Variants in CELF2 observed in about 807,000 individuals in gnomAD.
CELF2 encodes the protein CUG triplet repeat RNA-binding protein 2.
A neutral mutation model predicts 62.6 loss-of-function variants in CELF2; 8 were observed. The ratio of observed to expected loss-of-function variants is 0.13; its 90% CI spans 0.07 to 0.23. CELF2 has a LOEUF of 0.23. Ranked by LOEUF, CELF2 falls within the 10% of genes least tolerant of loss-of-function variation. The probability of loss-of-function intolerance (pLI) is 1.00; values close to 1 mark genes in which losing one functional copy is unlikely to be tolerated. For synonymous variants in CELF2, 258 were observed against 250.0 expected, an observed-to-expected ratio of 1.03 and a Z score of -0.30; for missense variants, 333 against 671.0, an observed-to-expected ratio of 0.50 and a Z score of 5.56.
chr10:10,798,171 A>T, upstream of CELF2, among the ~76,000 whole-genome samples: 1 of 152,184 alleles, frequency 6.6e-6, no homozygotes, highest in Admixed American at 6.5e-5. Flanking sequence ...GTTCCAAATT[A>T]TTTTTAAAAA....
At chr10:11,111,171 A>C (rs1030588632) in intron 1 of CELF2, among the ~76,000 whole-genome samples, 1 of 152,170 alleles carries the variant, frequency 6.6e-6, no homozygotes. Context: ...AGGGGCTCAG[A>C]CTTTCTGGGC....
the CELF2 span, among the ~76,000 whole-genome samples, chr10:10,780,454 CGTTTGTTT>C: frequency 0.33 from 49,594 of 148,852 alleles, 8,460 homozygotes; most frequent in Non-Finnish European, 0.35. Flanking sequence ...CAGAGGGAAA[CGTTTGTTT>C]GTTTGTTTGT....
chr10:11,229,712 C>T (rs978746935), intron 3 of CELF2, among the ~76,000 whole-genome samples: 1 of 152,038 alleles, frequency 6.6e-6, no homozygotes, highest in Non-Finnish European at 1.5e-5. Flanking sequence ...GCCTCAGCCT[C>T]CCAAGTAGCT....
intron 2 of CELF2, among the ~76,000 whole-genome samples, chr10:10,961,391 G>T (rs1485707916): frequency 6.6e-6 from 1 of 152,150 alleles, no homozygotes; most frequent in African/African-American, 2.4e-5. Flanking sequence ...TCATCCAGGT[G>T]AATTTCTTGG....
chr10:10,496,564 G>A, the CELF2 span, among the ~76,000 whole-genome samples: 1 of 152,318 alleles, frequency 6.6e-6, no homozygotes, highest in Non-Finnish European at 1.5e-5. Context: ...TGAAAAGATG[G>A]AGGGTGGATG....
the CELF2 span, among the ~76,000 whole-genome samples, chr10:10,629,453 G>T: frequency 6.6e-6 from 1 of 152,122 alleles, no homozygotes; most frequent in East Asian, 1.9e-4. Context: ...TCGTGTTGGG[G>T]TCTTATATTC....
At position 11,314,702 on chromosome 10, in the gene CELF2, C is replaced by G. The variant is rs572910795; in HGVS notation, c.1096+444C>G. ...CTGCTCCCTCTCTGGGCTTGGGAGTCTCCATTTGAGAATGGAAAGTTCTGG... is the reference window on the plus strand; with the variant it reads ...CTGCTCCCTCTCTGGGCTTGGGAGTGTCCATTTGAGAATGGAAAGTTCTGG... On this transcript the variant is annotated intron_variant, in intron 10 of 12. Transcript: ENST00000633077. The surrounding 1 kb of genome is among the most constrained non-coding windows in gnomAD (Gnocchi z 5.3). 78 of 252,846 alleles carry G rather than the reference C, an allele frequency of 3.1e-4. 1 individual carries two copies. The highest frequency in any genetic ancestry group is 1.5e-3 in the African/African-American group (66 of 44,314). 15.7% of individuals were successfully genotyped at this position (252,846 alleles called of 1,614,324 possible).
At chr10:10,742,365 A>G in the CELF2 span, among the ~76,000 whole-genome samples, 2 of 152,150 alleles carry the variant, frequency 1.3e-5, no homozygotes, top group Non-Finnish European at 2.9e-5. Flanking sequence ...GCTGTGGTTC[A>G]TGCCTATTAT....
the CELF2 span, among the ~76,000 whole-genome samples, chr10:10,467,527 T>C: frequency 6.6e-6 from 1 of 152,174 alleles, no homozygotes; most frequent in Non-Finnish European, 1.5e-5. Context: ...CAACTTTCTC[T>C]TTTTAAAAAT....
the CELF2 span, among the ~76,000 whole-genome samples, chr10:10,790,386 T>C: frequency 6.6e-6 from 1 of 152,156 alleles, no homozygotes; most frequent in Non-Finnish European, 1.5e-5. Flanking sequence ...CTTTGATTTA[T>C]ATATGACAAT....
At chr10:11,038,701 A>G (rs1161622788) in intron 1 of CELF2, among the ~76,000 whole-genome samples, 2 of 152,232 alleles carry the variant, frequency 1.3e-5, no homozygotes, top group African/African-American at 2.4e-5. Flanking sequence ...TATAAATCAT[A>G]TATTACAAAA....
chr10:11,122,675 G>A (rs11591991), intron 1 of CELF2, among the ~76,000 whole-genome samples: 13,939 of 152,186 alleles, frequency 0.092, 784 homozygotes, highest in Non-Finnish European at 0.13. Flanking sequence ...TGAGAAACAG[G>A]CCTCTTACAA....
intron 1 of CELF2, among the ~76,000 whole-genome samples, chr10:10,883,567 G>C (rs2061568626): frequency 6.6e-6 from 1 of 152,028 alleles, no homozygotes; most frequent in Non-Finnish European, 1.5e-5. Context: ...TAGGCTCTGG[G>C]GAGTGTAGTT....
chr10:11,113,444 A>G (rs765509685), intron 1 of CELF2, among the ~76,000 whole-genome samples: 13 of 152,214 alleles, frequency 8.5e-5, no homozygotes, highest in Non-Finnish European at 1.5e-4. Flanking sequence ...TTAAGGGAAT[A>G]TAGAAACATA....
chr10:10,567,308 A>C, the CELF2 span, among the ~76,000 whole-genome samples: 1 of 152,218 alleles, frequency 6.6e-6, no homozygotes, highest in Non-Finnish European at 1.5e-5. Context: ...TTAAAATTCA[A>C]GTAGAGGTAG....
At chr10:10,991,028 TC>T (rs968645977) in intron 2 of CELF2, among the ~76,000 whole-genome samples, 20 of 152,018 alleles carry the variant, frequency 1.3e-4, no homozygotes, top group African/African-American at 4.3e-4. Context: ...TGAGTTTTTT[TC>T]CCCCCATAAA....
At chr10:10,564,641 TACACACACACACAC>T in the CELF2 span, among the ~76,000 whole-genome samples, 8 of 136,262 alleles carry the variant, frequency 5.9e-5, no homozygotes, top group Non-Finnish European at 9.4e-5. Context: ...GTTAACTGAA[TACACACACACACAC>T]ACACACACAC....
chr10:10,508,698 GTGTGTGTA>G, the CELF2 span, among the ~76,000 whole-genome samples: 4 of 34,676 alleles, frequency 1.2e-4, no homozygotes, highest in African/African-American at 2.1e-4. Flanking sequence ...GTGTGTGTGT[GTGTGTGTA>G]TATTTTTTTT....
chr10:11,174,218 C>T (rs930753824), intron 2 of CELF2, among the ~76,000 whole-genome samples: 1 of 152,152 alleles, frequency 6.6e-6, no homozygotes, highest in Admixed American at 6.5e-5. Context: ...GTGGATTATG[C>T]TGTACAGGAA....
Sources: gnomAD v4.1 joint callset for allele counts (sites outside exome capture counted in the v4.1 genomes callset) on GRCh38, gnomAD v4.1.1 for gene constraint, Gnocchi (gnomAD v3.1) non-coding constraint, MANE v1.5 for transcripts, NCBI Gene and HGNC (gene_info 2026-07-23, HGNC 2026-07-21) for gene names.